The following TNNI3K variants were observed in gnomAD, a reference collection of about 807,000 sequenced individuals.
TNNI3K encodes serine/threonine-protein kinase TNNI3K.
A neutral mutation model predicts 114.5 loss-of-function variants in TNNI3K; 140 were observed. That is an observed-to-expected ratio of 1.22 (90% CI 1.07 to 1.41). The LOEUF (loss-of-function observed/expected upper bound fraction) is 1.41, where lower values mean the gene tolerates loss of function less well. TNNI3K is among the 40% of genes most tolerant of loss of function. The probability of loss-of-function intolerance (pLI) is 0.00; values close to 1 mark genes in which losing one functional copy is unlikely to be tolerated. For synonymous variants in TNNI3K, 347 were observed against 347.5 expected (o/e 1.00, Z 0.02); for missense variants, 1,125 against 1,007.6 (o/e 1.12, Z -1.58).
chr1:74,354,147 G>A lies in TNNI3K; in HGVS notation c.1177+18G>A, dbSNP rs201606051. ...TGAAAAAGGTATATTTTTAATCATC[G>A]TGTCTCTATAGTGATACATTGAACT... On this transcript the variant is annotated intron_variant, in intron 11 of 24. Coordinates refer to ENST00000326637, the MANE Select transcript of TNNI3K (RefSeq NM_015978.3). 26 of 1,613,538 alleles carry A rather than the reference G, an allele frequency of 1.6e-5. No individual in the cohort carries two copies. Among genetic ancestry groups the A allele is most frequent in the South Asian group, 1.2e-4 (11 of 91,068 alleles).
At chr1:74,453,803 G>T (rs140775928) in intron 20 of TNNI3K, among the ~76,000 whole-genome samples, 244 of 152,296 alleles carry the variant, frequency 1.6e-3, no homozygotes, top group Non-Finnish European at 2.9e-3. Context: ...TGATGAATAA[G>T]AAATCACGTG....
At chr1:74,527,119 A>G (rs1646514069) in intron 23 of TNNI3K, among the ~76,000 whole-genome samples, 1 of 152,192 alleles carries the variant, frequency 6.6e-6, no homozygotes, top group South Asian at 2.1e-4. Context: ...TCCATCTCCT[A>G]GTGGAAAAAT....
intron 5 of TNNI3K, among the ~76,000 whole-genome samples, chr1:74,285,332 A>G (rs1657262787): frequency 6.6e-6 from 1 of 152,136 alleles, no homozygotes; most frequent in South Asian, 2.1e-4. Flanking sequence ...CTGGATCTTT[A>G]TGCTCTTTAT....
chr1:74,387,440 C>T (rs371556868), intron 17 of TNNI3K, among the ~76,000 whole-genome samples: 1 of 152,174 alleles, frequency 6.6e-6, no homozygotes, highest in Non-Finnish European at 1.5e-5. Context: ...ACAAGAAATT[C>T]CTGCTTTGAA....
intron 17 of TNNI3K, among the ~76,000 whole-genome samples, chr1:74,402,138 A>T (rs563311042): frequency 6.6e-6 from 1 of 152,248 alleles, no homozygotes; most frequent in Admixed American, 6.5e-5. Context: ...ACAGACAAAA[A>T]CACAACGGGG....
intron 17 of TNNI3K, chr1:74,375,737 T>C (rs1662873059): frequency 2.7e-6 from 1 of 372,120 alleles, no homozygotes; most frequent in South Asian, 1.9e-5. Flanking sequence ...CCCACCAAGT[T>C]TTCCTTAAAA....
At chr1:74,484,291 G>A (rs542605103) in intron 21 of TNNI3K, among the ~76,000 whole-genome samples, 2 of 150,868 alleles carry the variant, frequency 1.3e-5, no homozygotes, top group Non-Finnish European at 1.5e-5. Context: ...AAAATAAAAT[G>A]TAGAAAAAAC....
At chr1:74,477,838 A>C (rs192744364) in intron 21 of TNNI3K, among the ~76,000 whole-genome samples, 27 of 152,330 alleles carry the variant, frequency 1.8e-4, no homozygotes, top group Non-Finnish European at 1.2e-4. Context: ...TTCTATTTTT[A>C]AAAAGTGTTC....
At chr1:74,357,879 C>A (rs1051775081) in intron 11 of TNNI3K, among the ~76,000 whole-genome samples, 5 of 152,176 alleles carry the variant, frequency 3.3e-5, no homozygotes, top group Admixed American at 6.6e-5. Flanking sequence ...AAAGGACCAG[C>A]ATGAATCAAT....
At chr1:74,250,571 A>C (rs982742524) in intron 3 of TNNI3K, 101 bp from the exon 4 acceptor site, 2 of 1,093,888 alleles carry the variant, frequency 1.8e-6, no homozygotes, top group Non-Finnish European at 2.5e-6. Context: ...GCAGCTTGAC[A>C]TTTTTATACA....
At chr1:74,417,628 T>G (rs1421657032) in intron 17 of TNNI3K, among the ~76,000 whole-genome samples, 1 of 151,410 alleles carries the variant, frequency 6.6e-6, no homozygotes, top group Non-Finnish European at 1.5e-5. Context: ...GGGTCTGAAC[T>G]AACAGGGTTA....
At chr1:74,496,978 A>G (rs1056939346) in intron 23 of TNNI3K, among the ~76,000 whole-genome samples, 15 of 152,184 alleles carry the variant, frequency 9.9e-5, no homozygotes, top group African/African-American at 3.4e-4. Flanking sequence ...TGTCCAGAAG[A>G]AGAAAACCAG....
chr1:74,363,277 G>A (rs1662069782), intron 11 of TNNI3K, among the ~76,000 whole-genome samples: 1 of 151,988 alleles, frequency 6.6e-6, no homozygotes, highest in African/African-American at 2.4e-5. Flanking sequence ...AGCAGTTGTA[G>A]TCATGGAAAA....
At chr1:74,478,566 A>G (rs1668322289) in intron 21 of TNNI3K, among the ~76,000 whole-genome samples, 1 of 152,180 alleles carries the variant, frequency 6.6e-6, no homozygotes, top group South Asian at 2.1e-4. Context: ...TCCTCTATGA[A>G]AAAAAGGGAT....
chr1:74,252,237 T>C (rs922594957), intron 4 of TNNI3K, among the ~76,000 whole-genome samples: 2 of 152,228 alleles, frequency 1.3e-5, no homozygotes, highest in African/African-American at 4.8e-5. Flanking sequence ...TTATAATAAT[T>C]AAATTTCCAC....
At chr1:74,540,128 CTT>C in intron 23 of TNNI3K, 104 bp from the exon 24 acceptor site, 1 of 1,203,824 alleles carries the variant, frequency 8.3e-7, no homozygotes. Context: ...CTTTGTATCA[CTT>C]TGCCATTTCT....
At chr1:74,482,184 ACT>A (rs2100262802) in intron 21 of TNNI3K, among the ~76,000 whole-genome samples, 1 of 152,258 alleles carries the variant, frequency 6.6e-6, no homozygotes, top group African/African-American at 2.4e-5. Context: ...GGATTTACTG[ACT>A]CTGAATGAGC....
chr1:74,381,735 A>G (rs2100549575), intron 17 of TNNI3K, among the ~76,000 whole-genome samples: 1 of 152,206 alleles, frequency 6.6e-6, no homozygotes, highest in East Asian at 1.9e-4. Context: ...GATCTGGAAT[A>G]GAATTTGATT....
At chr1:74,263,886 A>C (rs1490020844) in intron 4 of TNNI3K, among the ~76,000 whole-genome samples, 1 of 151,994 alleles carries the variant, frequency 6.6e-6, no homozygotes, top group South Asian at 2.1e-4. Context: ...AAAAATTAGA[A>C]TATTCATTAT....
Sources: gnomAD v4.1 joint callset for allele counts (sites outside exome capture counted in the v4.1 genomes callset) on GRCh38, gnomAD v4.1.1 for gene constraint, MANE v1.5 for transcripts, NCBI Gene and HGNC (gene_info 2026-07-23, HGNC 2026-07-21) for gene names.